Variants in SGCZ observed in about 807,000 individuals in gnomAD.
The protein encoded by SGCZ is sarcoglycan zeta.
Under a neutral mutation model 41.3 loss-of-function variants are expected in SGCZ, and 40 were observed. The ratio of observed to expected loss-of-function variants is 0.97; its 90% CI spans 0.75 to 1.26. SGCZ has a LOEUF of 1.26. Ranked by LOEUF, SGCZ falls within the 50% of genes most tolerant of loss-of-function variation. The pLI is 0.00. For missense variants in SGCZ, 552 were observed against 369.8 expected, an observed-to-expected ratio of 1.49 and a Z score of -4.04; for synonymous variants, 206 against 137.5, an observed-to-expected ratio of 1.50 and a Z score of -3.49.
chr8:14,849,497 T>C (rs1803243255), intron 1 of SGCZ, among the ~76,000 whole-genome samples: 1 of 152,178 alleles, frequency 6.6e-6, no homozygotes, highest in Non-Finnish European at 1.5e-5. Context: ...ACTATTGATA[T>C]ATACTACAAC....
At chr8:15,219,684 AT>A (rs1801527158) in intron 1 of SGCZ, among the ~76,000 whole-genome samples, 4 of 152,214 alleles carry the variant, frequency 2.6e-5, no homozygotes, top group Non-Finnish European at 4.4e-5. Context: ...ATCTAAGTGA[AT>A]ACAGAAGGAA....
At chr8:14,858,558 T>C (rs1803618729) in intron 1 of SGCZ, among the ~76,000 whole-genome samples, 1 of 152,156 alleles carries the variant, frequency 6.6e-6, no homozygotes, top group Non-Finnish European at 1.5e-5. Context: ...ATTTTGAATA[T>C]TCTTCTTTGA....
intron 1 of SGCZ, among the ~76,000 whole-genome samples, chr8:14,607,698 G>T (rs4289812): frequency 0.31 from 47,675 of 151,534 alleles, 8,039 homozygotes; most frequent in East Asian, 0.62. Flanking sequence ...CAACTCGTGG[G>T]ATCTACACAA....
intron 2 of SGCZ, among the ~76,000 whole-genome samples, chr8:14,325,747 C>CACACATATATATAT (rs1802079598): frequency 1.4e-5 from 1 of 69,460 alleles, no homozygotes; most frequent in East Asian, 3.6e-4. Context: ...CACACACACA[C>CACACATATATATAT]ATATATATAT....
intron 1 of SGCZ, among the ~76,000 whole-genome samples, chr8:14,593,785 G>A (rs536391269): frequency 6.6e-6 from 1 of 152,128 alleles, no homozygotes; most frequent in South Asian, 2.1e-4. Flanking sequence ...TTCCCTAAGG[G>A]AATAGACTGA....
intron 1 of SGCZ, among the ~76,000 whole-genome samples, chr8:14,822,064 C>T (rs59868775): frequency 0.19 from 26,273 of 141,764 alleles, 2,656 homozygotes; most frequent in East Asian, 0.29. Context: ...TATAAAAAAC[C>T]CTAAAGATTA....
chr8:14,272,290 C>T (rs1344008631), intron 3 of SGCZ, among the ~76,000 whole-genome samples: 2 of 152,240 alleles, frequency 1.3e-5, no homozygotes, highest in African/African-American at 4.8e-5. Context: ...AGGCGTAAGC[C>T]ACTGCACCCG....
rs114284405 is a variant in SGCZ at position 15,150,034 on chromosome 8, T to C, written c.39+87551A>G. 5.1e-3 allele frequency among the ~76,000 whole-genome samples: 771 copies of C among 152,260 alleles called. 10 individuals carry two copies. The highest frequency in any genetic ancestry group is 0.018 in the African/African-American group (740 of 41,552). ...GTGTCTGCAAAGGAAAAAAGCAAGC[T>C]GTCAAACAGCCACCTGTGCAAAATA... On this transcript the variant is annotated intron_variant, in intron 1 of 7. Coordinates refer to ENST00000382080, the MANE Select transcript of SGCZ (RefSeq NM_139167.4).
chr8:14,564,596 T>G, intron 1 of SGCZ, among the ~76,000 whole-genome samples: 1 of 152,224 alleles, frequency 6.6e-6, no homozygotes, highest in East Asian at 1.9e-4. Flanking sequence ...AGTACTCATT[T>G]TTAAAATGTA....
intron 2 of SGCZ, among the ~76,000 whole-genome samples, chr8:14,514,248 C>A (rs1160903762): frequency 6.6e-6 from 1 of 151,988 alleles, no homozygotes; most frequent in Admixed American, 6.6e-5. Flanking sequence ...GCACTTGATA[C>A]GGTATCAGAG....
Position 14,085,997 on chromosome 8 carries a change from A to G in SGCZ, c.*4446T>C, listed in dbSNP as rs535411735. ...ATAACAGTGTTCAATTAAATTATTG[A>G]TTAGTTTATGATTATTTAAAATGAA... On this transcript the variant is annotated 3_prime_UTR_variant, in exon 8 of 8. Coordinates refer to ENST00000382080, the MANE Select transcript of SGCZ (RefSeq NM_139167.4). 5.3e-5 allele frequency among the ~76,000 whole-genome samples: 8 copies of G among 151,886 alleles called. No homozygotes were observed. Among genetic ancestry groups the G allele is most frequent in the African/African-American group, 1.7e-4 (7 of 41,550 alleles).
At chr8:15,181,956 T>C (rs1416772256) in intron 1 of SGCZ, among the ~76,000 whole-genome samples, 1 of 152,168 alleles carries the variant, frequency 6.6e-6, no homozygotes, top group Non-Finnish European at 1.5e-5. Flanking sequence ...TTACATCTTA[T>C]GCAGTGAGAA....
At chr8:14,867,366 G>A (rs1394648668) in intron 1 of SGCZ, among the ~76,000 whole-genome samples, 1 of 151,972 alleles carries the variant, frequency 6.6e-6, no homozygotes, top group Non-Finnish European at 1.5e-5. Flanking sequence ...TGGGCATTTA[G>A]GTTGATTTCA....
chr8:14,643,542 C>CA lies in SGCZ; in HGVS notation c.40-88617dup, dbSNP rs61248980. Among the ~76,000 whole-genome samples, 308 of 138,488 alleles carry CA rather than the reference C, an allele frequency of 2.2e-3. 3 individuals are homozygous for CA. The highest frequency in any genetic ancestry group is 4.6e-3 in the African/African-American group (176 of 38,362). The allele number at this position is 138,488 out of a possible 152,430, so 90.9% of individuals were successfully genotyped here. On this transcript the variant is annotated intron_variant, in intron 1 of 7. Coordinates refer to ENST00000382080, the MANE Select transcript of SGCZ (RefSeq NM_139167.4). ...GTCAGGGAGATAAGTGAATATTTTT[C>CA]AAAAAAAAAAAGAGAAGCTTAATCC...
intron 2 of SGCZ, among the ~76,000 whole-genome samples, chr8:14,389,321 A>G (rs1804678371): frequency 6.6e-6 from 1 of 151,890 alleles, no homozygotes; most frequent in Admixed American, 6.6e-5. Flanking sequence ...ATAACATGTA[A>G]GAATTTTTCA....
chr8:14,982,185 A>G (rs1801688545), intron 1 of SGCZ, among the ~76,000 whole-genome samples: 1 of 151,464 alleles, frequency 6.6e-6, no homozygotes, highest in South Asian at 2.1e-4. Context: ...AAATGACATT[A>G]TTTGAAAATA....
At chr8:14,916,302 T>C (rs1799436054) in intron 1 of SGCZ, among the ~76,000 whole-genome samples, 1 of 152,148 alleles carries the variant, frequency 6.6e-6, no homozygotes, top group Non-Finnish European at 1.5e-5. Context: ...ATTATATACA[T>C]ATAGCACAGA....
chr8:14,588,030 A>G (rs1166893540), intron 1 of SGCZ, among the ~76,000 whole-genome samples: 1 of 152,130 alleles, frequency 6.6e-6, no homozygotes, highest in Non-Finnish European at 1.5e-5. Context: ...CGATAATATT[A>G]GAAATTTTTA....
intron 7 of SGCZ, among the ~76,000 whole-genome samples, 183 bp downstream of exon 7, chr8:14,102,193 C>T (rs1054859282): frequency 1.3e-5 from 2 of 150,932 alleles, no homozygotes; most frequent in Non-Finnish European, 1.5e-5. Flanking sequence ...CTGCCTTGGC[C>T]TCCCAAATAT....
Sources: gnomAD v4.1 joint callset for allele counts (sites outside exome capture counted in the v4.1 genomes callset) on GRCh38, gnomAD v4.1.1 for gene constraint, MANE v1.5 for transcripts, NCBI Gene and HGNC (gene_info 2026-07-23, HGNC 2026-07-21) for gene names.